Variants in RASGRP3 observed in about 807,000 individuals in gnomAD.
RASGRP3 encodes the protein ras guanyl-releasing protein 3.
In RASGRP3, 54 loss-of-function variants were observed where a neutral mutation model predicts 82.7. That is an observed-to-expected ratio of 0.65 (90% CI 0.52 to 0.82). RASGRP3 has a LOEUF of 0.82. RASGRP3 is among the 40% of genes least tolerant of loss of function. RASGRP3 has a pLI of 0.00. For synonymous variants in RASGRP3, 309 were observed against 300.5 expected (o/e 1.03, Z -0.29); for missense variants, 861 against 828.9 (o/e 1.04, Z -0.48).
intron 2 of RASGRP3, among the ~76,000 whole-genome samples, chr2:33,448,120 CT>C (rs57990047): frequency 0.02 from 3,077 of 152,286 alleles, 101 homozygotes; most frequent in African/African-American, 0.071. Context: ...TGTCACCAGT[CT>C]TGAGTGAATT....
intron 14 of RASGRP3, 23 bp from the exon 15 acceptor site, chr2:33,555,506 GAC>G: frequency 6.3e-7 from 1 of 1,580,694 alleles, no homozygotes. Flanking sequence ...CAGATTCCCT[GAC>G]ATTCCTTTGT....
intron 2 of RASGRP3, among the ~76,000 whole-genome samples, chr2:33,513,716 G>A (rs1013484958): frequency 2.6e-5 from 4 of 152,168 alleles, no homozygotes; most frequent in Admixed American, 6.5e-5. Context: ...ATCCAGCAGC[G>A]ATGCTTTTGA....
rs117615395 is a variant in RASGRP3, at chr2:33,493,151, A to T, written c.-261+16444A>T. ...AAGAGGCATGCATCCTCCTAGACACAATCATCCATTTAGTAAAATAGGTAA... is the reference window on the plus strand; with the variant it reads ...AAGAGGCATGCATCCTCCTAGACACTATCATCCATTTAGTAAAATAGGTAA... On this transcript the variant is annotated intron_variant, in intron 1 of 17. Transcript: ENST00000403687. 2.0e-5 allele frequency: 3 copies of T among 152,356 alleles called. No homozygotes were observed. In the East Asian group the frequency reaches 5.8e-4, roughly 29 times the overall value. 9.4% of individuals were successfully genotyped at this position (152,356 alleles called of 1,614,324 possible).
At chr2:33,483,419 A>G (rs1668103529) in intron 1 of RASGRP3, among the ~76,000 whole-genome samples, 2 of 152,118 alleles carry the variant, frequency 1.3e-5, no homozygotes, top group African/African-American at 4.8e-5. Flanking sequence ...GAGAACTAGT[A>G]ACATAGGGAA....
chr2:33,514,993 T>C lies in RASGRP3; in HGVS notation c.-127-17T>C. 1 of 726,524 alleles carries C rather than the reference T, an allele frequency of 1.4e-6. No individual in the cohort carries two copies. Among genetic ancestry groups the C allele is most frequent in the Non-Finnish European group, 2.4e-6 (1 of 424,964 alleles). 45.0% of individuals were successfully genotyped at this position (726,524 alleles called of 1,614,324 possible). A position where few individuals can be genotyped will look rare whatever the true frequency, so the allele number is the denominator to read the frequency against. ...ACTCTAGTCTAATAACTTTCTCTCT[T>C]TTTTCTTTTTTTTTAGAGTTTTCTT... is the stretch of plus-strand genomic sequence containing the variant. On this transcript the variant is annotated splice_polypyrimidine_tract_variant and intron_variant, in intron 2 of 17. Coordinates refer to ENST00000403687, the MANE Select transcript of RASGRP3 (RefSeq NM_001139488.2).
At chr2:33,499,128 A>G (rs536935836) in intron 1 of RASGRP3, among the ~76,000 whole-genome samples, 1 of 152,072 alleles carries the variant, frequency 6.6e-6, no homozygotes, top group African/African-American at 2.4e-5. Context: ...ACCCCCTCCC[A>G]TTTCTGACCT....
chr2:33,532,201 A>G (rs1673163837), intron 10 of RASGRP3: 1 of 152,216 alleles, frequency 6.6e-6, no homozygotes, highest in Non-Finnish European at 1.5e-5. Flanking sequence ...TGTCGTTGTT[A>G]GTTCCCAGTG....
intron 7 of RASGRP3, among the ~76,000 whole-genome samples, chr2:33,522,822 C>T (rs981170663): frequency 1.3e-5 from 2 of 152,188 alleles, no homozygotes; most frequent in Admixed American, 6.5e-5. Context: ...GCAAAGAAGA[C>T]TGTCTTGGTT....
intron 1 of RASGRP3, among the ~76,000 whole-genome samples, chr2:33,477,612 G>T (rs2367735): frequency 0.47 from 71,221 of 152,076 alleles, 17,530 homozygotes; most frequent in Non-Finnish European, 0.55. Flanking sequence ...TGGTGCTTGC[G>T]CTTGGGCGAG....
intron 1 of RASGRP3, chr2:33,482,395 C>T (rs1019091510): frequency 6.6e-6 from 1 of 152,118 alleles, no homozygotes; most frequent in African/African-American, 2.4e-5. Flanking sequence ...TGGAGTTATA[C>T]CAACTATGGC....
intron 1 of RASGRP3, among the ~76,000 whole-genome samples, chr2:33,495,941 G>C (rs1355075686): frequency 2.6e-5 from 4 of 152,192 alleles, no homozygotes; most frequent in African/African-American, 9.6e-5. Flanking sequence ...GCCTCATGGG[G>C]ATGCAGCCCT....
At chr2:33,537,889 C>A (rs1033381888) in intron 11 of RASGRP3, among the ~76,000 whole-genome samples, 1 of 152,126 alleles carries the variant, frequency 6.6e-6, no homozygotes, top group Admixed American at 6.5e-5. Flanking sequence ...TGTAAGAATG[C>A]AGAAAAATCT....
chr2:33,439,982 G>C (rs182854348), intron 1 of RASGRP3, among the ~76,000 whole-genome samples: 199 of 152,214 alleles, frequency 1.3e-3, no homozygotes, highest in Middle Eastern at 6.8e-3. Context: ...AAACTGACGC[G>C]TTTTGCAAAC....
chr2:33,534,392 T>C lies in RASGRP3; in HGVS notation c.1153T>C (p.Ser385Pro). The C allele has an allele frequency of 1.3e-6, 2 of 1,551,512 alleles. No homozygotes were observed. The highest frequency in any genetic ancestry group is 1.8e-6 in the Non-Finnish European group (2 of 1,127,166). Residue 385 changes from serine to proline, a missense_variant, in exon 11 of 18, where the codon TCT becomes CCT. By Grantham distance (74) the Ser-to-Pro change is moderately conservative (BLOSUM62 -1). Coordinates refer to ENST00000403687, the MANE Select transcript of RASGRP3 (RefSeq NM_001139488.2). ...KLSLVLEPRN[S>P]KSQPTSPTTP... Reference sequence around the variant, plus strand: ...GTCACTGGTGCTGGAGCCTAGAAATTCTAAATCGGTAGGTATTATTTTCTC... The same window carrying C: ...GTCACTGGTGCTGGAGCCTAGAAATCCTAAATCGGTAGGTATTATTTTCTC...
rs776354895 is a variant in RASGRP3, at chr2:33,539,081, TTTTG to T, written c.1162-9_1162-6del. 6.5e-7 allele frequency: 1 copy of T among 1,533,230 alleles called. No individual in the cohort carries two copies. 95.0% of individuals were successfully genotyped at this position (1,533,230 alleles called of 1,614,324 possible). A position where few individuals can be genotyped will look rare whatever the true frequency, so the allele number is the denominator to read the frequency against. On this transcript the variant is annotated splice_polypyrimidine_tract_variant and intron_variant, in intron 11 of 17. Transcript: ENST00000403687. ...AAAGTTGAAAAATATGTGGTTTTTT[TTTTG>T]TTTATCAGCAGCCTACCTCCCCTAC...
intron 2 of RASGRP3, among the ~76,000 whole-genome samples, chr2:33,448,815 TTA>T (rs1286900571): frequency 5.3e-5 from 8 of 152,278 alleles, no homozygotes; most frequent in African/African-American, 1.9e-4. Flanking sequence ...AATAGCAAAT[TTA>T]TGTTATATAT....
At chr2:33,498,444 G>A (rs771453863) in intron 1 of RASGRP3, among the ~76,000 whole-genome samples, 4 of 152,104 alleles carry the variant, frequency 2.6e-5, no homozygotes, top group Middle Eastern at 3.2e-3. Context: ...AGTAAAGAAC[G>A]AGTAAAATGT....
chr2:33,558,395 G>A, intron 16 of RASGRP3, 59 bp downstream of exon 16: 1 of 1,609,534 alleles, frequency 6.2e-7, no homozygotes, highest in Non-Finnish European at 8.5e-7. Flanking sequence ...CCTCACACTT[G>A]GACCTCATTT....
At chr2:33,555,342 A>T (rs546482670) in intron 14 of RASGRP3, 189 bp from the exon 15 acceptor site, 66 of 451,984 alleles carry the variant, frequency 1.5e-4, no homozygotes, top group African/African-American at 1.0e-3. Context: ...AAGGAAACTC[A>T]TGTTATCACC....
Sources: gnomAD v4.1 joint callset for allele counts (sites outside exome capture counted in the v4.1 genomes callset) on GRCh38, gnomAD v4.1.1 for gene constraint, MANE v1.5 for transcripts, NCBI Gene and HGNC (gene_info 2026-07-23, HGNC 2026-07-21) for gene names.